Variants in PTPRG observed in about 807,000 individuals in gnomAD.
The protein encoded by PTPRG is receptor-type tyrosine-protein phosphatase gamma.
PTPRG carries 102 observed loss-of-function variants against 165.3 expected under a neutral mutation model. The observed-to-expected ratio is 0.62, with a 90% CI of 0.53 to 0.73. PTPRG has a LOEUF of 0.73. PTPRG is among the 30% of genes least tolerant of loss of function. The pLI is 0.00. For synonymous variants in PTPRG, 675 were observed against 669.5 expected (o/e 1.01, Z -0.13); for missense variants, 1,866 against 1,861.4 (o/e 1.00, Z -0.05).
intron 1 of PTPRG, among the ~76,000 whole-genome samples, chr3:61,688,699 T>C (rs1166585161): frequency 2.0e-5 from 3 of 152,214 alleles, no homozygotes; most frequent in African/African-American, 7.2e-5. Context: ...GTTTGCAAAA[T>C]TCAATAGTCA....
rs373919127 is a variant in PTPRG at position 61,613,821 on chromosome 3, A to G, written c.85+51449A>G. On this transcript the variant is annotated intron_variant, in intron 1 of 29. Transcript: ENST00000474889. ...TTGAAAGAATTGTGAGGTGACCACA[A>G]CACAAAACCATGAGCAATATACTGT... is the stretch of plus-strand genomic sequence containing the variant. Among the ~76,000 whole-genome samples, 139 of 152,328 alleles carry G rather than the reference A, an allele frequency of 9.1e-4. 1 individual carries two copies. In the East Asian group the frequency reaches 0.015, roughly 16 times the overall value.
chr3:62,218,706 G>T, intron 12 of PTPRG, 145 bp from the exon 13 acceptor site: 1 of 1,041,520 alleles, frequency 9.6e-7, no homozygotes, highest in Non-Finnish European at 1.4e-6. Context: ...GAGGGCTGCG[G>T]ATTGCCCCTC....
chr3:61,788,523 A>G (rs1273155694), intron 2 of PTPRG, among the ~76,000 whole-genome samples: 1 of 152,236 alleles, frequency 6.6e-6, no homozygotes, highest in African/African-American at 2.4e-5. Flanking sequence ...TGCTAATAGT[A>G]CTGTGGATTT....
chr3:62,201,443 A>T, intron 10 of PTPRG, 62 bp from the exon 11 acceptor site: 1 of 1,281,454 alleles, frequency 7.8e-7, no homozygotes. Flanking sequence ...GTTCATAAGG[A>T]ATATCTTGTT....
intron 2 of PTPRG, among the ~76,000 whole-genome samples, chr3:61,876,630 T>TG (rs989639628): frequency 2.6e-5 from 4 of 152,172 alleles, no homozygotes; most frequent in African/African-American, 9.7e-5. Flanking sequence ...TTTTCCGGGC[T>TG]GGGCGTGGTG....
intron 5 of PTPRG, among the ~76,000 whole-genome samples, chr3:62,117,127 G>C (rs540429789): frequency 6.6e-6 from 1 of 152,112 alleles, no homozygotes; most frequent in Non-Finnish European, 1.5e-5. Context: ...AGAACCTGGT[G>C]ACCCAATTAT....
chr3:61,665,210 G>T (rs559079055), intron 1 of PTPRG, among the ~76,000 whole-genome samples: 71 of 152,276 alleles, frequency 4.7e-4, no homozygotes, highest in African/African-American at 1.4e-3. Flanking sequence ...TAGAGACCTA[G>T]AAGAGATAAG....
chr3:62,225,989 G>C (rs2106907419), intron 13 of PTPRG, among the ~76,000 whole-genome samples: 1 of 152,270 alleles, frequency 6.6e-6, no homozygotes, highest in South Asian at 2.1e-4. Context: ...TACCATACTA[G>C]ACATGTGCTC....
At chr3:61,766,287 T>C (rs1172455542) in intron 2 of PTPRG, among the ~76,000 whole-genome samples, 1 of 152,224 alleles carries the variant, frequency 6.6e-6, no homozygotes, top group Non-Finnish European at 1.5e-5. Context: ...AAAACCACTT[T>C]TCTCCCCAAA....
chr3:62,261,588 T>C (rs534134923), intron 16 of PTPRG, among the ~76,000 whole-genome samples: 156 of 148,570 alleles, frequency 1.1e-3, no homozygotes, highest in Non-Finnish European at 1.3e-3. Flanking sequence ...AATTAATGCC[T>C]GTGGGGCTTT....
At chr3:62,289,856 C>T (rs1702815282) in intron 28 of PTPRG, among the ~76,000 whole-genome samples, 1 of 151,942 alleles carries the variant, frequency 6.6e-6, no homozygotes, top group Non-Finnish European at 1.5e-5. Flanking sequence ...GCTTTCAGTT[C>T]TAGCACGTAA....
At chr3:62,070,469 A>G (rs59507641) in intron 4 of PTPRG, among the ~76,000 whole-genome samples, 2,057 of 152,248 alleles carry the variant, frequency 0.014, 46 homozygotes, top group African/African-American at 0.047. Flanking sequence ...CATTTTATTC[A>G]TTCCAGAAAT....
intron 2 of PTPRG, among the ~76,000 whole-genome samples, chr3:61,888,143 A>C (rs2038102012): frequency 6.6e-6 from 1 of 152,204 alleles, no homozygotes. Flanking sequence ...AAGTTGAAAG[A>C]AAAGTACAAA....
chr3:62,160,864 A>ATTTTTTTTTTTTT lies in PTPRG; in HGVS notation c.840+3652_840+3664dup, dbSNP rs5849464. Among the ~76,000 whole-genome samples, 91 of 103,976 alleles carry ATTTTTTTTTTTTT rather than the reference A, an allele frequency of 8.8e-4. 5 individuals carry two copies. Among genetic ancestry groups the ATTTTTTTTTTTTT allele is most frequent in the African/African-American group, 2.6e-3 (70 of 26,490 alleles). The allele number at this position is 103,976 out of a possible 152,430, so 68.2% of individuals were successfully genotyped here. On this transcript the variant is annotated intron_variant, in intron 7 of 29. Coordinates refer to ENST00000474889, the MANE Select transcript of PTPRG (RefSeq NM_002841.4). ...TACTTTGTTTACCTTTAGATGTGTG[A>ATTTTTTTTTTTTT]TTTTTTTTTTTTTTTTTTTTTTTTC...
intron 2 of PTPRG, among the ~76,000 whole-genome samples, chr3:61,968,247 T>G (rs1486596526): frequency 6.6e-6 from 1 of 152,084 alleles, no homozygotes; most frequent in Non-Finnish European, 1.5e-5. Context: ...GGATATATGA[T>G]TTCATATTCT....
chr3:62,279,560 T>C (rs1011487998), intron 26 of PTPRG, among the ~76,000 whole-genome samples: 12 of 152,096 alleles, frequency 7.9e-5, no homozygotes, highest in East Asian at 1.9e-4. Context: ...CTGTGCATAT[T>C]TGTTACATTT....
Position 62,295,996 on chromosome 3 carries a change from T to G in PTPRG, c.*2689T>G, listed in dbSNP as rs1703047981. 6.6e-6 allele frequency: 1 copy of G among 152,062 alleles called. No individual in the cohort carries two copies. The highest frequency in any genetic ancestry group is 2.4e-5 in the African/African-American group (1 of 41,430). 9.4% of individuals were successfully genotyped at this position (152,062 alleles called of 1,614,324 possible). A position where few individuals can be genotyped will look rare whatever the true frequency, so the allele number is the denominator to read the frequency against. ...GCTATTGCAAATTAATGTGTGCAAC[T>G]TAATAAAATAAGCTGTTTGTGTATA... On this transcript the variant is annotated 3_prime_UTR_variant, in exon 30 of 30. Transcript: ENST00000474889.
intron 4 of PTPRG, among the ~76,000 whole-genome samples, chr3:62,010,836 G>C (rs2041404768): frequency 6.6e-6 from 1 of 152,044 alleles, no homozygotes; most frequent in Non-Finnish European, 1.5e-5. Flanking sequence ...CCCCCGTGTT[G>C]TGTACTTTAT....
chr3:62,125,458 A>G (rs573696370), intron 5 of PTPRG, among the ~76,000 whole-genome samples: 34 of 152,248 alleles, frequency 2.2e-4, no homozygotes, highest in African/African-American at 7.0e-4. Flanking sequence ...TTCACATCTA[A>G]TGTGTTTTGG....
Sources: gnomAD v4.1 joint callset for allele counts (sites outside exome capture counted in the v4.1 genomes callset) on GRCh38, gnomAD v4.1.1 for gene constraint, MANE v1.5 for transcripts, NCBI Gene and HGNC (gene_info 2026-07-23, HGNC 2026-07-21) for gene names.